USP13: variants seen among roughly 807,000 people sequenced by gnomAD.
The protein encoded by USP13 is ubiquitin carboxyl-terminal hydrolase 13.
USP13 carries 68 observed loss-of-function variants against 107.8 expected under a neutral mutation model. The ratio of observed to expected loss-of-function variants is 0.63; its 90% CI spans 0.52 to 0.77. The LOEUF (loss-of-function observed/expected upper bound fraction) is 0.77, where lower values mean the gene tolerates loss of function less well. Ranked by LOEUF, USP13 falls within the 30% of genes least tolerant of loss-of-function variation. USP13 has a pLI of 0.00. For missense variants in USP13, 945 were observed against 1,093.3 expected (o/e 0.86, Z 1.91); for synonymous variants, 377 against 389.5 (o/e 0.97, Z 0.38).
chr3:179,693,254 T>G (rs911002041), intron 3 of USP13, among the ~76,000 whole-genome samples: 2 of 152,012 alleles, frequency 1.3e-5, no homozygotes, highest in African/African-American at 4.8e-5. Context: ...GCTCAAGTGA[T>G]CCTCATGCCT....
intron 1 of USP13, among the ~76,000 whole-genome samples, chr3:179,662,139 G>A (rs1373762070): frequency 6.6e-6 from 1 of 152,048 alleles, no homozygotes; most frequent in Non-Finnish European, 1.5e-5. Context: ...GACCAAATCT[G>A]GACTGATACA....
chr3:179,763,878 G>A (rs1367504813), intron 17 of USP13, 124 bp from the exon 18 acceptor site: 4 of 1,298,868 alleles, frequency 3.1e-6, no homozygotes, highest in East Asian at 2.6e-5. Context: ...GAGCCACTGC[G>A]CCTGGCCCAG....
At chr3:179,667,526 G>A (rs964053708) in intron 1 of USP13, among the ~76,000 whole-genome samples, 2 of 152,204 alleles carry the variant, frequency 1.3e-5, no homozygotes, top group African/African-American at 2.4e-5. Context: ...TTCGTATGCC[G>A]ATGGTTTCCA....
chr3:179,694,218 G>T (rs1712207743), intron 3 of USP13, among the ~76,000 whole-genome samples: 1 of 152,218 alleles, frequency 6.6e-6, no homozygotes, highest in South Asian at 2.1e-4. Flanking sequence ...CAAGTGATCT[G>T]CCTGCCTTGG....
chr3:179,775,371 G>A (rs1169715809), intron 19 of USP13, among the ~76,000 whole-genome samples: 1 of 152,260 alleles, frequency 6.6e-6, no homozygotes, highest in Non-Finnish European at 1.5e-5. Flanking sequence ...TAGACACAGA[G>A]TGCTGATTGG....
At chr3:179,708,308 A>G (rs1712795591) in intron 5 of USP13, among the ~76,000 whole-genome samples, 1 of 142,500 alleles carries the variant, frequency 7.0e-6, no homozygotes, top group Non-Finnish European at 1.5e-5. Flanking sequence ...AGGAACAATA[A>G]TTTTTTTTTT....
intron 19 of USP13, among the ~76,000 whole-genome samples, chr3:179,767,003 A>T (rs1715196922): frequency 6.6e-6 from 1 of 152,040 alleles, no homozygotes; most frequent in Non-Finnish European, 1.5e-5. Context: ...AGCTGTCAAC[A>T]ACTCTCTTCT....
intron 16 of USP13, among the ~76,000 whole-genome samples, chr3:179,759,603 A>G (rs1311408637): frequency 6.6e-6 from 1 of 152,336 alleles, no homozygotes; most frequent in South Asian, 2.1e-4. Flanking sequence ...CTGTTGTCCA[A>G]CATTATTGTT....
rs188651690 is a variant in USP13 at position 179,678,438 on chromosome 3, A to G, written c.169-3440A>G. Among the ~76,000 whole-genome samples, 483 of 152,178 alleles carry G rather than the reference A, an allele frequency of 3.2e-3. 3 individuals carry two copies. The highest frequency in any genetic ancestry group is 0.011 in the African/African-American group (469 of 41,518). On this transcript the variant is annotated intron_variant, in intron 1 of 20. Transcript: ENST00000263966. This position sits in a 1 kb window ranked among gnomAD's most constrained non-coding sequence, Gnocchi z 4.2. Reference sequence around the variant, plus strand: ...GGTAAAGGCAGAAAAGTTATCCACAAGCACAAGCTATATTATAATTATAAG... The same window carrying G: ...GGTAAAGGCAGAAAAGTTATCCACAGGCACAAGCTATATTATAATTATAAG...
chr3:179,653,549 C>G lies in USP13; in HGVS notation c.168+156C>G. The stretch of plus-strand genomic sequence containing the variant: ...TGCAGTTCGGCAGACACTTAGTGAG[C>G]GCCCCAGGGCTGCTGCAGCCGAGGA... On this transcript the variant is annotated intron_variant, in intron 1 of 20. Coordinates refer to ENST00000263966, the MANE Select transcript of USP13 (RefSeq NM_003940.3). The surrounding 1 kb of genome is among the most constrained non-coding windows in gnomAD (Gnocchi z 4.0). 1 of 1,021,854 alleles carries G rather than the reference C, an allele frequency of 9.8e-7. No individual in the cohort carries two copies. The highest frequency in any genetic ancestry group is 1.4e-6 in the Non-Finnish European group (1 of 725,370). 63.3% of individuals were successfully genotyped at this position (1,021,854 alleles called of 1,614,324 possible). A position where few individuals can be genotyped will look rare whatever the true frequency, so the allele number is the denominator to read the frequency against.
intron 14 of USP13, 38 bp from the exon 15 acceptor site, chr3:179,754,694 T>G: frequency 6.2e-7 from 1 of 1,601,422 alleles, no homozygotes; most frequent in South Asian, 1.1e-5. Flanking sequence ...AAGGTGATTA[T>G]GGAGAGCCCA....
intron 13 of USP13, among the ~76,000 whole-genome samples, chr3:179,750,780 G>A (rs1244145214): frequency 6.6e-6 from 1 of 152,216 alleles, no homozygotes; most frequent in Non-Finnish European, 1.5e-5. Context: ...GGCCTGGCAG[G>A]TAGACATGAT....
At chr3:179,765,587 T>C (rs939091089) in intron 18 of USP13, 108 bp from the exon 19 acceptor site, 4 of 1,368,180 alleles carry the variant, frequency 2.9e-6, no homozygotes, top group Middle Eastern at 1.9e-4. Context: ...GACTAATTAA[T>C]TCAGACCTCC....
In USP13 at chr3:179,745,046, A is replaced by T; in HGVS notation, c.1538A>T (p.Glu513Val). The T allele has an allele frequency of 6.2e-7, 1 of 1,614,148 alleles. No individual in the cohort carries two copies. The highest frequency in any genetic ancestry group is 1.1e-5 in the South Asian group (1 of 91,078). The change falls in exon 13 of 21, where the codon GAA becomes GTA. Residue 513 changes from glutamate (E) to valine (V), a missense_variant. Physicochemically the swap from Glu to Val is moderately radical, Grantham distance 121. Coordinates refer to ENST00000263966, the MANE Select transcript of USP13 (RefSeq NM_003940.3). ...TTTGATTTGCTCTTTCACCCAGATG[A>T]ACTGATCGCTTATGAACTAACGAGA... ...VAMEAATNKDELIAYELTRRE... is the reference protein window; with the variant it reads ...VAMEAATNKDVLIAYELTRRE...
At chr3:179,730,379 T>C (rs1268418646) in intron 9 of USP13, 119 bp downstream of exon 9, 8 of 1,131,492 alleles carry the variant, frequency 7.1e-6, no homozygotes, top group East Asian at 4.9e-5. Context: ...AAAAAAGTGT[T>C]CCAAAATGAG....
chr3:179,757,924 T>C (rs1219622811), intron 16 of USP13, among the ~76,000 whole-genome samples: 1 of 152,216 alleles, frequency 6.6e-6, no homozygotes, highest in African/African-American at 2.4e-5. Context: ...CTGTTCCCAC[T>C]GCGAATAATC....
At chr3:179,658,233 C>T (rs986380545) in intron 1 of USP13, among the ~76,000 whole-genome samples, 21 of 152,270 alleles carry the variant, frequency 1.4e-4, no homozygotes, top group Non-Finnish European at 2.5e-4. Context: ...TGATTACAGG[C>T]GGGAGCCACT....
chr3:179,774,554 C>T (rs1448499603), intron 19 of USP13, among the ~76,000 whole-genome samples: 1 of 152,146 alleles, frequency 6.6e-6, no homozygotes, highest in Admixed American at 6.5e-5. Context: ...TTGCTCATTC[C>T]TCCCTGTGGG....
At position 179,704,067 on chromosome 3, in the gene USP13, CA is replaced by C. The variant is rs560185273; in HGVS notation, c.478-2866del. Among the ~76,000 whole-genome samples the C allele has an allele frequency of 2.0e-3, 299 of 152,188 alleles. 2 individuals carry two copies. Among genetic ancestry groups the C allele is most frequent in the African/African-American group, 6.9e-3 (287 of 41,530 alleles). On this transcript the variant is annotated intron_variant, in intron 4 of 20. Coordinates refer to ENST00000263966, the MANE Select transcript of USP13 (RefSeq NM_003940.3). ...TTCGCATCACTTGAGATAACATATC[CA>C]GGGAAAAATAGTTCACAGTGTGATT...
Sources: allele counts gnomAD v4.1 joint callset (sites outside exome capture counted in the v4.1 genomes callset), GRCh38; gene constraint gnomAD v4.1.1; non-coding constraint Gnocchi (gnomAD v3.1); transcripts MANE v1.5; gene names NCBI Gene and HGNC (gene_info 2026-07-23, HGNC 2026-07-21).